Variants in ADGRL3 observed in about 807,000 individuals in gnomAD.
ADGRL3 encodes the protein calcium-independent alpha-latrotoxin receptor 3.
Under a neutral mutation model 153.5 loss-of-function variants are expected in ADGRL3, and 62 were observed. That is an observed-to-expected ratio of 0.40 (90% CI 0.33 to 0.50). The LOEUF (loss-of-function observed/expected upper bound fraction) is 0.50, where lower values mean the gene tolerates loss of function less well. ADGRL3 is among the 20% of genes least tolerant of loss of function. The pLI is 0.47. For missense variants in ADGRL3, 1,641 were observed against 1,859.4 expected (o/e 0.88, Z 2.16); for synonymous variants, 710 against 672.5 (o/e 1.06, Z -0.86).
chr4:61,539,678 C>G (rs1299673941), intron 4 of ADGRL3, among the ~76,000 whole-genome samples: 1 of 152,164 alleles, frequency 6.6e-6, no homozygotes, highest in Non-Finnish European at 1.5e-5. Flanking sequence ...AAGCTGGCTA[C>G]TTGGTGCTCT....
chr4:61,444,082 T>G (rs2097555555), intron 2 of ADGRL3, among the ~76,000 whole-genome samples: 1 of 152,184 alleles, frequency 6.6e-6, no homozygotes, highest in African/African-American at 2.4e-5. Context: ...AAAAAAGCAC[T>G]TCTTGTTCCC....
chr4:61,925,601 A>T (rs752692267), intron 13 of ADGRL3, among the ~76,000 whole-genome samples: 5 of 152,112 alleles, frequency 3.3e-5, no homozygotes, highest in Non-Finnish European at 7.3e-5. Context: ...GCAAAGCAGG[A>T]GCCGCCATAT....
intron 6 of ADGRL3, among the ~76,000 whole-genome samples, chr4:61,690,709 T>C (rs79026776): frequency 0.019 from 2,861 of 152,136 alleles, 80 homozygotes; most frequent in South Asian, 0.062. Flanking sequence ...CTTTTTTTTT[T>C]CCTCTTGGAT....
intron 9 of ADGRL3, among the ~76,000 whole-genome samples, chr4:61,822,684 C>A (rs1581004132): frequency 6.6e-6 from 1 of 152,000 alleles, no homozygotes; most frequent in Admixed American, 6.6e-5. Context: ...GTCTATAATT[C>A]ATATACTGAG....
In ADGRL3 at chr4:61,733,778, C is replaced by A. The variant is rs74345729; in HGVS notation, c.1399+224C>A. Among the ~76,000 whole-genome samples the A allele has an allele frequency of 1.6e-3, 238 of 152,306 alleles. 1 individual carries two copies. In the East Asian group the frequency reaches 0.035, roughly 23 times the overall value. The stretch of plus-strand genomic sequence containing the variant: ...CTCCTTTGTTCTGCTCAACTCCAGT[C>A]TTCAGCTCTTCTTCTTTGAAGGGTG... On this transcript the variant is annotated intron_variant, in intron 8 of 26. Coordinates refer to ENST00000683033, the MANE Select transcript of ADGRL3 (RefSeq NM_001387552.1).
At chr4:61,918,990 T>C (rs1309045713) in intron 13 of ADGRL3, among the ~76,000 whole-genome samples, 2 of 152,198 alleles carry the variant, frequency 1.3e-5, no homozygotes, top group Non-Finnish European at 2.9e-5. Context: ...ATGAGTATTT[T>C]CAAGTTCCTT....
At chr4:61,976,672 T>C (rs537431038) in intron 17 of ADGRL3, among the ~76,000 whole-genome samples, 226 of 152,240 alleles carry the variant, frequency 1.5e-3, no homozygotes, top group Admixed American at 2.5e-3. Context: ...TGAGATCTGA[T>C]GGTTTTATAA....
intron 4 of ADGRL3, among the ~76,000 whole-genome samples, chr4:61,519,707 G>C (rs1252387155): frequency 6.6e-6 from 1 of 152,140 alleles, no homozygotes; most frequent in Non-Finnish European, 1.5e-5. Context: ...ACATTATCTT[G>C]AGCTCTTTAA....
intron 17 of ADGRL3, among the ~76,000 whole-genome samples, chr4:61,955,562 AATT>A (rs1039521992): frequency 6.6e-6 from 1 of 151,962 alleles, no homozygotes; most frequent in Non-Finnish European, 1.5e-5. Context: ...AACACCTCTC[AATT>A]ATTATTATTA....
intron 5 of ADGRL3, among the ~76,000 whole-genome samples, chr4:61,628,437 T>C (rs1012801190): frequency 3.9e-5 from 6 of 152,194 alleles, no homozygotes; most frequent in Non-Finnish European, 5.9e-5. Context: ...AGTATTCACT[T>C]TAAGACAAAG....
chr4:61,567,720 C>T (rs754540630), intron 4 of ADGRL3, among the ~76,000 whole-genome samples: 2 of 151,714 alleles, frequency 1.3e-5, no homozygotes, highest in African/African-American at 4.9e-5. Flanking sequence ...CTCCAAACAA[C>T]CCTAAATAAA....
At position 61,699,963 on chromosome 4, in the gene ADGRL3, C is replaced by CA. The variant is rs1159691978; in HGVS notation, c.583+23029dup. On this transcript the variant is annotated intron_variant, in intron 6 of 26. Coordinates refer to ENST00000683033, the MANE Select transcript of ADGRL3 (RefSeq NM_001387552.1). ...ACAAGGAGATACACACACACACACA[C>CA]ACACAAAAACACACACAGAGAGAGA... Among the ~76,000 whole-genome samples the CA allele has an allele frequency of 4.0e-4, 60 of 149,670 alleles. No homozygotes were observed. In the East Asian group the frequency reaches 6.6e-3, roughly 17 times the overall value.
intron 17 of ADGRL3, among the ~76,000 whole-genome samples, chr4:61,948,897 T>C (rs1581592924): frequency 6.6e-6 from 1 of 151,938 alleles, no homozygotes; most frequent in East Asian, 1.9e-4. Flanking sequence ...ATGGAGTCTA[T>C]GAGTTTGCAA....
At chr4:62,010,380 A>G (rs927005099) in intron 21 of ADGRL3, among the ~76,000 whole-genome samples, 2 of 152,172 alleles carry the variant, frequency 1.3e-5, no homozygotes, top group Non-Finnish European at 2.9e-5. Flanking sequence ...CAAGGGCTTT[A>G]GGAGCTCTGT....
chr4:61,704,796 CACA>C lies in ADGRL3; in HGVS notation c.584-25822_584-25820del, dbSNP rs2095828230. ...TCTTTATTGTCATTTCAACAATGTTCACAACATCTTCACCAGTAGATTCCAACT... is the reference window on the plus strand; with the variant it reads ...TCTTTATTGTCATTTCAACAATGTTCACATCTTCACCAGTAGATTCCAACT... On this transcript the variant is annotated intron_variant, in intron 6 of 26. Coordinates refer to ENST00000683033, the MANE Select transcript of ADGRL3 (RefSeq NM_001387552.1). 2.0e-5 allele frequency among the ~76,000 whole-genome samples: 3 copies of C among 152,320 alleles called. No homozygotes were observed. The South Asian group carries it at 6.2e-4, about 32-fold the overall frequency.
At position 61,228,830 on chromosome 4, in the gene ADGRL3, T is replaced by G. The variant is rs1363348285; in HGVS notation, c.-240+27065T>G. On this transcript the variant is annotated intron_variant, in intron 1 of 26. Transcript: ENST00000683033. ...GCCTCAACCTCCCTAGAGCTGGGAT[T>G]ACAGGAACCTGCCACCATACCCTGC... 2.6e-5 allele frequency among the ~76,000 whole-genome samples: 4 copies of G among 152,270 alleles called. No homozygotes were observed. The East Asian group carries it at 5.8e-4, about 22-fold the overall frequency.
rs368699953 is a variant in ADGRL3, at chr4:61,946,956, C to G, written c.2462C>G (p.Pro821Arg). ...VAFVLYNNLG[P>R]YLSTENASMK... ...TTTGTCCTGTATAACAACTTGGGTC[C>G]TTATTTATCCACGGAGAATGCCAGT... Residue 821 changes from proline (P) to arginine (R), a missense_variant, in exon 16 of 27, where the codon CCT becomes CGT. Physicochemically the swap from Pro to Arg is moderately radical, Grantham distance 103. Coordinates refer to ENST00000683033, the MANE Select transcript of ADGRL3 (RefSeq NM_001387552.1). 6.2e-7 allele frequency: 1 copy of G among 1,613,732 alleles called. No homozygotes were observed. Among genetic ancestry groups the G allele is most frequent in the Non-Finnish European group, 8.5e-7 (1 of 1,179,790 alleles).
At chr4:61,779,158 A>T (rs751933248) in intron 8 of ADGRL3, among the ~76,000 whole-genome samples, 9 of 152,102 alleles carry the variant, frequency 5.9e-5, no homozygotes, top group Non-Finnish European at 1.3e-4. Context: ...GTGATCAGTG[A>T]GTTTAAATTA....
At position 62,029,915 on chromosome 4, in the gene ADGRL3, T is replaced by C. The variant is rs148520320; in HGVS notation, c.3422+1034T>C. ...TCCATAAGAAGCTGAGAGCTTTTCC[T>C]TGAAAGTTAGTATACTTCTGAATCC... On this transcript the variant is annotated intron_variant, in intron 22 of 26. Transcript: ENST00000683033. Among the ~76,000 whole-genome samples, 164 of 151,674 alleles carry C rather than the reference T, an allele frequency of 1.1e-3. 1 individual carries two copies. Among genetic ancestry groups the C allele is most frequent in the African/African-American group, 3.7e-3 (152 of 41,522 alleles).
Sources: allele counts gnomAD v4.1 joint callset (sites outside exome capture counted in the v4.1 genomes callset), GRCh38; gene constraint gnomAD v4.1.1; transcripts MANE v1.5; gene names NCBI Gene and HGNC (gene_info 2026-07-23, HGNC 2026-07-21).